PPP1R13B: variants seen among roughly 807,000 people sequenced by gnomAD.
PPP1R13B encodes protein phosphatase 1 regulatory subunit 13B.
PPP1R13B carries 44 observed loss-of-function variants against 119.8 expected under a neutral mutation model. The observed-to-expected ratio is 0.37, with a 90% CI of 0.29 to 0.47. PPP1R13B has a LOEUF of 0.47. Ranked by LOEUF, PPP1R13B falls within the 20% of genes least tolerant of loss-of-function variation. The probability of loss-of-function intolerance (pLI) is 0.99; values close to 1 mark genes in which losing one functional copy is unlikely to be tolerated. For synonymous variants in PPP1R13B, 542 were observed against 561.5 expected (o/e 0.97, Z 0.49); for missense variants, 1,227 against 1,413.5 (o/e 0.87, Z 2.12).
chr14:103,845,035 T>C (rs2086996801), intron 1 of PPP1R13B, among the ~76,000 whole-genome samples: 1 of 152,244 alleles, frequency 6.6e-6, no homozygotes, highest in Admixed American at 6.5e-5. Context: ...AAAAGGATAC[T>C]ACTAAAATTA....
intron 1 of PPP1R13B, among the ~76,000 whole-genome samples, chr14:103,800,974 C>T (rs138487470): frequency 0.051 from 7,709 of 152,118 alleles, 241 homozygotes; most frequent in Middle Eastern, 0.12. Flanking sequence ...CCTCAGCCTC[C>T]CGAGTAGCTG....
chr14:103,741,578 G>A (rs1229109153), intron 11 of PPP1R13B, among the ~76,000 whole-genome samples: 1 of 152,226 alleles, frequency 6.6e-6, no homozygotes, highest in Admixed American at 6.5e-5. Context: ...CAGGAAGTCA[G>A]AGAACTGTGA....
chr14:103,816,484 C>T (rs1005836957), intron 1 of PPP1R13B, among the ~76,000 whole-genome samples: 2 of 151,162 alleles, frequency 1.3e-5, no homozygotes, highest in African/African-American at 4.9e-5. Context: ...GTCGGGAGTT[C>T]GAAACCAGCC....
chr14:103,736,408 C>T (rs547702209), intron 15 of PPP1R13B: 56 of 603,974 alleles, frequency 9.3e-5, no homozygotes, highest in South Asian at 2.0e-4. Flanking sequence ...CTCCTGCTGC[C>T]GGCCCTTTCT....
At chr14:103,828,274 C>G (rs1218326016) in intron 1 of PPP1R13B, among the ~76,000 whole-genome samples, 1 of 149,872 alleles carries the variant, frequency 6.7e-6, no homozygotes, top group Non-Finnish European at 1.5e-5. Context: ...GAGGCAGAGG[C>G]AGGAGAATCA....
At chr14:103,735,285 C>A (rs2084072886) in intron 16 of PPP1R13B, 90 bp from the exon 17 acceptor site, 1 of 1,275,818 alleles carries the variant, frequency 7.8e-7, no homozygotes. Context: ...ACCTCAGCCA[C>A]CCTGGACAGC....
rs1357905307 is a variant in PPP1R13B at position 103,773,673 on chromosome 14, A to G, written c.354+5072T>C. Among the ~76,000 whole-genome samples the G allele has an allele frequency of 3.9e-5, 6 of 152,360 alleles. No individual in the cohort carries two copies. In the East Asian group the frequency reaches 9.6e-4, roughly 24 times the overall value. On this transcript the variant is annotated intron_variant, in intron 4 of 16. Coordinates refer to ENST00000202556, the MANE Select transcript of PPP1R13B (RefSeq NM_015316.3). ...GTAAAACTGGATAAACACTCCAGTT[A>G]CAGCACAGAATCTTCAAAGTTTCAG...
At chr14:103,750,559 G>A (rs759783444) in intron 7 of PPP1R13B, among the ~76,000 whole-genome samples, 11 of 152,108 alleles carry the variant, frequency 7.2e-5, no homozygotes, top group African/African-American at 2.7e-4. Context: ...GGCCGGGTGC[G>A]GTGGCTCACG....
chr14:103,811,933 G>A (rs1391892860), intron 1 of PPP1R13B, among the ~76,000 whole-genome samples: 12 of 150,610 alleles, frequency 8.0e-5, no homozygotes, highest in African/African-American at 4.9e-5. Flanking sequence ...GGTGGTGGGC[G>A]CCTATAGTCC....
intron 2 of PPP1R13B, among the ~76,000 whole-genome samples, chr14:103,792,704 T>C (rs2085653015): frequency 6.6e-6 from 1 of 151,824 alleles, no homozygotes; most frequent in African/African-American, 2.4e-5. Context: ...GCCCAGGAGT[T>C]TAAGGCTGCA....
At chr14:103,809,633 C>A (rs1217071160) in intron 1 of PPP1R13B, among the ~76,000 whole-genome samples, 1 of 151,794 alleles carries the variant, frequency 6.6e-6, no homozygotes, top group Non-Finnish European at 1.5e-5. Context: ...TCAGCCTGGG[C>A]AACATGGCGA....
At chr14:103,778,225 AT>A (rs35757303) in intron 4 of PPP1R13B, among the ~76,000 whole-genome samples, 65,074 of 144,820 alleles carry the variant, frequency 0.45, 14,878 homozygotes, top group African/African-American at 0.56. Context: ...AAATGCTGGG[AT>A]TTACAGGCAT....
intron 4 of PPP1R13B, among the ~76,000 whole-genome samples, chr14:103,777,485 C>CT (rs2085234269): frequency 6.6e-6 from 1 of 152,156 alleles, no homozygotes. Flanking sequence ...CTACTCAACT[C>CT]TTAGTCTACA....
chr14:103,761,315 C>T (rs1237045710), intron 4 of PPP1R13B, among the ~76,000 whole-genome samples: 1 of 148,916 alleles, frequency 6.7e-6, no homozygotes, highest in Admixed American at 6.7e-5. Flanking sequence ...TTGCTATGTG[C>T]CAAAAAGTAG....
Position 103,735,069 on chromosome 14 carries a change from C to G in PPP1R13B, c.*85G>C. ...GAGCACCATTAAGACCATTTTCTAG[C>G]TGCAGCTTTCCTGGAAAACAGCACA... On this transcript the variant is annotated 3_prime_UTR_variant, in exon 17 of 17. Transcript: ENST00000202556. The G allele has an allele frequency of 6.8e-7, 1 of 1,479,994 alleles. No homozygotes were observed. Among genetic ancestry groups the G allele is most frequent in the Non-Finnish European group, 9.4e-7 (1 of 1,058,992 alleles). The allele number at this position is 1,479,994 out of a possible 1,614,324, so 91.7% of individuals were successfully genotyped here. A position where few individuals can be genotyped will look rare whatever the true frequency, so the allele number is the denominator to read the frequency against.
chr14:103,795,525 A>G (rs1410120555), intron 2 of PPP1R13B, among the ~76,000 whole-genome samples: 3 of 152,208 alleles, frequency 2.0e-5, no homozygotes, highest in Admixed American at 2.0e-4. Flanking sequence ...CGTATGAGAG[A>G]GACAAGCATT....
intron 1 of PPP1R13B, among the ~76,000 whole-genome samples, chr14:103,826,089 C>T (rs1239532446): frequency 6.6e-6 from 1 of 152,006 alleles, no homozygotes; most frequent in East Asian, 1.9e-4. Flanking sequence ...GTTGGTCAGG[C>T]TTGTCTCAAA....
At chr14:103,737,566 A>C in intron 15 of PPP1R13B, 128 bp downstream of exon 15, 2 of 1,209,398 alleles carry the variant, frequency 1.7e-6, no homozygotes, top group Non-Finnish European at 2.3e-6. Context: ...ACAGAATGAG[A>C]CCTTGTCTCC....
chr14:103,762,654 C>T (rs1412215012), intron 4 of PPP1R13B: 3 of 513,510 alleles, frequency 5.8e-6, no homozygotes, highest in Admixed American at 6.7e-5. Flanking sequence ...GCCACTGCTG[C>T]AGCCTCTGGA....
Sources: gnomAD v4.1 joint callset for allele counts (sites outside exome capture counted in the v4.1 genomes callset) on GRCh38, gnomAD v4.1.1 for gene constraint, MANE v1.5 for transcripts, NCBI Gene and HGNC (gene_info 2026-07-23, HGNC 2026-07-21) for gene names.